The following FBXL17 variants were observed in gnomAD, a reference collection of about 807,000 sequenced individuals.
FBXL17 encodes F-box and leucine rich repeat protein 17.
In FBXL17, 22 loss-of-function variants were observed where a neutral mutation model predicts 66.2. That is an observed-to-expected ratio of 0.33 (90% CI 0.24 to 0.47). The LOEUF (loss-of-function observed/expected upper bound fraction) is 0.47, where lower values mean the gene tolerates loss of function less well. Among genes scored for constraint, FBXL17 ranks in the 20% least tolerant of loss-of-function variants. FBXL17 has a pLI of 1.00. For synonymous variants in FBXL17, 474 were observed against 400.5 expected, an observed-to-expected ratio of 1.18 and a Z score of -2.19; for missense variants, 878 against 948.2, an observed-to-expected ratio of 0.93 and a Z score of 0.97.
chr5:108,374,454 T>C (rs1287288000), intron 1 of FBXL17, among the ~76,000 whole-genome samples: 1 of 152,150 alleles, frequency 6.6e-6, no homozygotes, highest in Non-Finnish European at 1.5e-5. Context: ...GGCAGATCAC[T>C]TGAGCCCAGG....
At chr5:108,236,634 A>G (rs1382730591) in intron 4 of FBXL17, among the ~76,000 whole-genome samples, 1 of 152,220 alleles carries the variant, frequency 6.6e-6, no homozygotes, top group Non-Finnish European at 1.5e-5. Context: ...TGAACAACTA[A>G]TCTCACTTGA....
Position 108,262,075 on chromosome 5 carries a change from TTTATTTATTTA to T in FBXL17, c.1507-37858_1507-37848del, listed in dbSNP as rs1561493985. Among the ~76,000 whole-genome samples, 53 of 105,180 alleles carry T rather than the reference TTTATTTATTTA, an allele frequency of 5.0e-4. 1 individual carries two copies. The highest frequency in any genetic ancestry group is 2.1e-3 in the African/African-American group (50 of 23,942). The allele number at this position is 105,180 out of a possible 152,430, so 69.0% of individuals were successfully genotyped here. A position where few individuals can be genotyped will look rare whatever the true frequency, so the allele number is the denominator to read the frequency against. On this transcript the variant is annotated intron_variant, in intron 4 of 8. Transcript: ENST00000542267. ...CATATTTTATTTATTTATTTATTTA[TTTATTTATTTA>T]TTTTTTTTGAGACAGAGTCTCGCTC...
At chr5:108,377,614 T>C (rs1244654076) in intron 1 of FBXL17, among the ~76,000 whole-genome samples, 1 of 152,258 alleles carries the variant, frequency 6.6e-6, no homozygotes, top group Non-Finnish European at 1.5e-5. Flanking sequence ...TAAATGTTTC[T>C]CAATGATTTT....
rs144182001 is a variant in FBXL17 at position 107,958,822 on chromosome 5, G to A, written c.1822+62103C>T. Among the ~76,000 whole-genome samples, 59 of 152,188 alleles carry A rather than the reference G, an allele frequency of 3.9e-4. 1 individual carries two copies. Among genetic ancestry groups the A allele is most frequent in the African/African-American group, 1.4e-3 (59 of 41,514 alleles). ...TATCTAAGTTAAAAGAATTACATTCGAAATTAAATGGAAAATAATCCTGTC... is the reference window on the plus strand; with the variant it reads ...TATCTAAGTTAAAAGAATTACATTCAAAATTAAATGGAAAATAATCCTGTC... On this transcript the variant is annotated intron_variant, in intron 7 of 8. Coordinates refer to ENST00000542267, the MANE Select transcript of FBXL17 (RefSeq NM_001163315.3).
intron 1 of FBXL17, among the ~76,000 whole-genome samples, chr5:108,376,675 T>C (rs1009062225): frequency 1.3e-5 from 2 of 152,236 alleles, no homozygotes; most frequent in African/African-American, 4.8e-5. Flanking sequence ...TCAGTTTCTA[T>C]TAACTGCTTT....
intron 4 of FBXL17, among the ~76,000 whole-genome samples, chr5:108,347,069 C>T (rs1747327209): frequency 6.6e-6 from 1 of 152,126 alleles, no homozygotes; most frequent in South Asian, 2.1e-4. Flanking sequence ...ACATGCATTG[C>T]TTAATGACAG....
At position 108,380,985 on chromosome 5, in the gene FBXL17, C is replaced by A; in HGVS notation, c.707G>T (p.Gly236Val). The A allele has an allele frequency of 8.2e-7, 1 of 1,212,482 alleles. No individual in the cohort carries two copies. Among genetic ancestry groups the A allele is most frequent in the Non-Finnish European group, 1.0e-6 (1 of 975,314 alleles). 75.1% of individuals were successfully genotyped at this position (1,212,482 alleles called of 1,614,324 possible). A position where few individuals can be genotyped will look rare whatever the true frequency, so the allele number is the denominator to read the frequency against. The change falls in exon 1 of 9, where the codon GGC becomes GTC. Residue 236 changes from glycine to valine, a missense_variant. Physicochemically the swap from Gly to Val is moderately radical, Grantham distance 109. Around this residue, in one of 4 missense-constraint regions of FBXL17, gnomAD observed 605 missense variants for 509.5 expected, o/e 1.19. Coordinates refer to ENST00000542267, the MANE Select transcript of FBXL17 (RefSeq NM_001163315.3). Reference protein sequence around the residue: ...GGGGGGPAGGGASPPRPPDAG... With the variant: ...GGGGGGPAGGVASPPRPPDAG... ...GTCGGGGGGCCGGGGCGGCGAAGCG[C>A]CTCCCCCCGCAGGCCCTCCCCCGCC...
intron 7 of FBXL17, among the ~76,000 whole-genome samples, chr5:107,974,107 C>A (rs191975968): frequency 1.4e-3 from 208 of 152,192 alleles, no homozygotes; most frequent in African/African-American, 5.0e-3. Context: ...CTTTACTACA[C>A]TGTTTCTTGT....
chr5:108,015,568 T>G (rs191891950), intron 7 of FBXL17, among the ~76,000 whole-genome samples: 3 of 152,318 alleles, frequency 2.0e-5, no homozygotes, highest in Admixed American at 1.3e-4. Context: ...ACATAAAACA[T>G]AAAATAACAT....
At position 108,177,209 on chromosome 5, in the gene FBXL17, C is replaced by G. The variant is rs76691848; in HGVS notation, c.1745+8908G>C. ...TTAGTGAAATTCTTTTTCAGACCAA[C>G]TATGAGTCATGTGTAGTACAAAACA... is the stretch of plus-strand genomic sequence containing the variant. On this transcript the variant is annotated intron_variant, in intron 6 of 8. Transcript: ENST00000542267. Among the ~76,000 whole-genome samples the G allele has an allele frequency of 5.3e-5, 8 of 152,258 alleles. 1 individual carries two copies. In the East Asian group the frequency reaches 9.6e-4, roughly 18 times the overall value.
intron 4 of FBXL17, among the ~76,000 whole-genome samples, chr5:108,282,746 A>T: frequency 6.6e-6 from 1 of 151,254 alleles, no homozygotes; most frequent in Middle Eastern, 3.4e-3. Flanking sequence ...ATATAATCTT[A>T]TATCTAAAAA....
At chr5:108,291,990 T>C (rs1411230021) in intron 4 of FBXL17, among the ~76,000 whole-genome samples, 2 of 152,102 alleles carry the variant, frequency 1.3e-5, no homozygotes, top group African/African-American at 4.8e-5. Context: ...AATTTGTCTA[T>C]CTCCATCCTC....
intron 5 of FBXL17, among the ~76,000 whole-genome samples, chr5:108,200,768 G>A (rs1753860350): frequency 6.6e-6 from 1 of 151,890 alleles, no homozygotes; most frequent in Non-Finnish European, 1.5e-5. Flanking sequence ...AGTGGGGGAA[G>A]CAGCTATGCT....
intron 4 of FBXL17, among the ~76,000 whole-genome samples, chr5:108,318,773 T>C (rs1341816266): frequency 6.6e-6 from 1 of 151,942 alleles, no homozygotes; most frequent in African/African-American, 2.4e-5. Context: ...ATGTTTAATA[T>C]TTCCATCTAT....
At chr5:108,354,018 T>C (rs1747805899) in intron 3 of FBXL17, among the ~76,000 whole-genome samples, 2 of 152,216 alleles carry the variant, frequency 1.3e-5, no homozygotes, top group South Asian at 4.1e-4. Flanking sequence ...CAGTTGAGCA[T>C]GCTTAATCTG....
At chr5:108,086,424 T>C (rs867653836) in intron 6 of FBXL17, among the ~76,000 whole-genome samples, 3 of 152,314 alleles carry the variant, frequency 2.0e-5, no homozygotes, top group Middle Eastern at 3.4e-3. Flanking sequence ...AACCTAAGCA[T>C]AAAAATAGAC....
intron 7 of FBXL17, among the ~76,000 whole-genome samples, chr5:108,016,125 T>A (rs185920886): frequency 1.3e-5 from 2 of 152,168 alleles, no homozygotes; most frequent in African/African-American, 4.8e-5. Flanking sequence ...TAAAATGACA[T>A]CTCCAATCAT....
intron 5 of FBXL17, among the ~76,000 whole-genome samples, chr5:108,198,503 A>G (rs1363051096): frequency 2.6e-5 from 4 of 152,190 alleles, no homozygotes; most frequent in African/African-American, 9.6e-5. Context: ...CATGGTTATT[A>G]CCAAAGTGCT....
chr5:108,254,993 G>A (rs938462426), intron 4 of FBXL17, among the ~76,000 whole-genome samples: 45 of 152,066 alleles, frequency 3.0e-4, no homozygotes, highest in Admixed American at 9.2e-4. Flanking sequence ...ATTTAGTATG[G>A]CTTTAGTGAG....
Sources: allele counts gnomAD v4.1 joint callset (sites outside exome capture counted in the v4.1 genomes callset), GRCh38; gene constraint gnomAD v4.1.1; regional missense constraint gnomAD v4.1.1; transcripts MANE v1.5; gene names NCBI Gene and HGNC (gene_info 2026-07-23, HGNC 2026-07-21).